The following ZNF213 variants were observed in gnomAD, a reference collection of about 807,000 sequenced individuals.
ZNF213 encodes putative transcription factor CR53.
Under a neutral mutation model 46.0 loss-of-function variants are expected in ZNF213, and 32 were observed. That is an observed-to-expected ratio of 0.70 (90% CI 0.52 to 0.93). The LOEUF is 0.93. Ranked by LOEUF, ZNF213 falls within the 40% of genes least tolerant of loss-of-function variation. The pLI, the probability that ZNF213 is intolerant of heterozygous loss-of-function variation, is 0.00. For synonymous variants in ZNF213, 297 were observed against 271.0 expected, an observed-to-expected ratio of 1.10 and a Z score of -0.94; for missense variants, 639 against 652.8, an observed-to-expected ratio of 0.98 and a Z score of 0.23.
Position 3,141,044 on chromosome 16 carries a change from C to A in ZNF213, c.1077C>A (p.Asp359Glu). 1 of 1,613,168 alleles carries A rather than the reference C, an allele frequency of 6.2e-7. No homozygotes were observed. The highest frequency in any genetic ancestry group is 8.5e-7 in the Non-Finnish European group (1 of 1,179,836). ...ACAAGAGCTTCCGCAGCTCCTCGGA[C>A]CTGGTGCGCCACCAAGGCGTGCACA... ...ECDKSFRSSS[D>E]LVRHQGVHTG... is the part of the protein sequence containing the mutation. The change falls in exon 6 of 6, where the codon GAC becomes GAA. Residue 359 changes from aspartate to glutamate, a missense_variant. Coordinates refer to ENST00000396878, the MANE Select transcript of ZNF213 (RefSeq NM_004220.3).
Position 3,142,634 on chromosome 16 carries a change from A to G in ZNF213, c.*1287A>G. The stretch of plus-strand genomic sequence containing the variant: ...TCCATTGGCACCAACGCCCAGCTCC[A>G]CCGGTACTGGCTCCCTGCTCCATCG... On this transcript the variant is annotated 3_prime_UTR_variant, in exon 6 of 6. Coordinates refer to ENST00000396878, the MANE Select transcript of ZNF213 (RefSeq NM_004220.3). 6.1e-6 allele frequency: 1 copy of G among 164,536 alleles called. No homozygotes were observed. The highest frequency in any genetic ancestry group is 1.2e-4 in the South Asian group (1 of 8,354). 10.2% of individuals were successfully genotyped at this position (164,536 alleles called of 1,614,324 possible). A position where few individuals can be genotyped will look rare whatever the true frequency, so the allele number is the denominator to read the frequency against.
At position 3,142,261 on chromosome 16, in the gene ZNF213, G is replaced by T. The variant is rs989333916; in HGVS notation, c.*914G>T. On this transcript the variant is annotated 3_prime_UTR_variant, in exon 6 of 6. Coordinates refer to ENST00000396878, the MANE Select transcript of ZNF213 (RefSeq NM_004220.3). Reference sequence around the variant, plus strand: ...CTCCACTCGGCGCCCCACTCCATCGGCCCCGCTCCATCGGCACTAATGCCC... The same window carrying T: ...CTCCACTCGGCGCCCCACTCCATCGTCCCCGCTCCATCGGCACTAATGCCC... The T allele has an allele frequency of 1.4e-4, 13 of 94,524 alleles. No individual in the cohort carries two copies. Among genetic ancestry groups the T allele is most frequent in the Non-Finnish European group, 2.9e-4 (11 of 37,720 alleles). 5.9% of individuals were successfully genotyped at this position (94,524 alleles called of 1,614,324 possible).
In ZNF213 at chr16:3,141,657, C is replaced by G; in HGVS notation, c.*310C>G. 1 of 426,748 alleles carries G rather than the reference C, an allele frequency of 2.3e-6. No individual in the cohort carries two copies. The highest frequency in any genetic ancestry group is 4.3e-5 in the South Asian group (1 of 23,016). The allele number at this position is 426,748 out of a possible 1,614,324, so 26.4% of individuals were successfully genotyped here. ...GGCAGGGACAGCAGGGTGGCAAGGA[C>G]TCAGGTCTAGGTCCCTTCCCAGAAG... On this transcript the variant is annotated 3_prime_UTR_variant, in exon 6 of 6. Transcript: ENST00000396878.
At position 3,141,158 on chromosome 16, in the gene ZNF213, C is replaced by T. The variant is rs1010995501; in HGVS notation, c.1191C>T (p.Gly397=). The T allele has an allele frequency of 5.6e-6, 9 of 1,612,414 alleles. No individual in the cohort carries two copies. Among genetic ancestry groups the T allele is most frequent in the Non-Finnish European group, 7.6e-6 (9 of 1,179,830 alleles). The part of the protein sequence containing the change: ...YLADHQRIHT[G]EKPFGCSDCG... The stretch of plus-strand genomic sequence containing the variant: ...CCGACCACCAGCGCATACACACGGG[C>T]GAGAAGCCTTTCGGCTGCAGCGACT... The change falls in exon 6 of 6, where the codon GGC becomes GGT. Residue 397 remains glycine (G), a synonymous_variant. Transcript: ENST00000396878.
Position 3,141,321 on chromosome 16 carries a change from G to A in ZNF213, c.1354G>A (p.Ala452Thr), listed in dbSNP as rs1162777457. Residue 452 changes from alanine (A) to threonine (T), a missense_variant, in exon 6 of 6, where the codon GCC (alanine) becomes ACC (threonine). Physicochemically the swap from Ala to Thr is moderately conservative, Grantham distance 58. Coordinates refer to ENST00000396878, the MANE Select transcript of ZNF213 (RefSeq NM_004220.3). ...CCTCATCGCGCATCAGAGCCTGCAC[G>A]CCAAGATGGCCCAGCCCGTGGGGTG... ...AHLIAHQSLHAKMAQPVG is the reference protein window; with the variant it reads ...AHLIAHQSLHTKMAQPVG 19 of 1,576,346 alleles carry A rather than the reference G, an allele frequency of 1.2e-5. No homozygotes were observed. Among genetic ancestry groups the A allele is most frequent in the South Asian group, 2.3e-5 (2 of 87,310 alleles).
intron 1 of ZNF213, among the ~76,000 whole-genome samples, chr16:3,135,856 T>TTTTTTTTTG (rs1957530228): frequency 6.6e-6 from 1 of 150,594 alleles, no homozygotes; most frequent in Non-Finnish European, 1.5e-5. Context: ...TTTTTTTTTT[T>TTTTTTTTTG]TTGAGATGGT....
intron 4 of ZNF213, 42 bp downstream of exon 4, chr16:3,138,860 C>G (rs947339244): frequency 1.2e-6 from 2 of 1,613,784 alleles, no homozygotes; most frequent in African/African-American, 2.7e-5. Context: ...GCACTTGGCC[C>G]TGTTGAGTTT....
chr16:3,138,222 A>G, intron 2 of ZNF213, 196 bp from the exon 3 acceptor site: 3 of 1,091,030 alleles, frequency 2.7e-6, no homozygotes, highest in South Asian at 3.2e-5. Flanking sequence ...CTCGTGAATG[A>G]TCGGGGAGCA....
chr16:3,136,827 A>T (rs913772295), intron 1 of ZNF213, among the ~76,000 whole-genome samples: 1 of 152,236 alleles, frequency 6.6e-6, no homozygotes, highest in Non-Finnish European at 1.5e-5. Context: ...ATATGTTATT[A>T]ATATTTCCAC....
rs1957600122 is a variant in ZNF213, at chr16:3,141,213, C to A, written c.1246C>A (p.Leu416Met). Residue 416 changes from leucine to methionine, a missense_variant, in exon 6 of 6, where the codon CTG (leucine) becomes ATG (methionine). Leu to Met is a conservative substitution (Grantham distance 15, BLOSUM62 2). Transcript: ENST00000396878. The part of the protein sequence containing the change: ...CGKSFSLRSY[L>M]LDHRRVHTGE... ...CAAGAGCTTCTCGCTGCGCTCCTAC[C>A]TGCTGGACCATCGGCGTGTGCACAC... 6.2e-7 allele frequency: 1 copy of A among 1,612,694 alleles called. No individual in the cohort carries two copies. The highest frequency in any genetic ancestry group is 8.5e-7 in the Non-Finnish European group (1 of 1,179,926).
intron 5 of ZNF213, chr16:3,139,361 T>C (rs902926991): frequency 4.3e-6 from 2 of 470,376 alleles, no homozygotes; most frequent in Non-Finnish European, 7.6e-6. Context: ...TGCATGGAAG[T>C]ATTGTCCCCA....
intron 2 of ZNF213, chr16:3,138,007 A>G (rs1017990130): frequency 4.2e-6 from 2 of 471,382 alleles, no homozygotes; most frequent in Non-Finnish European, 7.6e-6. Flanking sequence ...AAGGGTGTGC[A>G]TAGAGCCAGC....
intron 1 of ZNF213, among the ~76,000 whole-genome samples, chr16:3,136,870 A>C (rs1957543983): frequency 6.6e-6 from 1 of 152,328 alleles, no homozygotes; most frequent in African/African-American, 2.4e-5. Context: ...TAGTGGAATA[A>C]ATTGAGATTA....
Position 3,138,797 on chromosome 16 carries a change from C to G in ZNF213, c.576C>G (p.Thr192=), listed in dbSNP as rs369339417. 1 of 1,613,938 alleles carries G rather than the reference C, an allele frequency of 6.2e-7. No homozygotes were observed. Among genetic ancestry groups the G allele is most frequent in the Non-Finnish European group, 8.5e-7 (1 of 1,179,996 alleles). Residue 192 remains threonine (T), a synonymous_variant, in exon 4 of 6, where the codon ACC becomes ACG. Transcript: ENST00000396878. ...KEGRPGETTD[T]CFVSGVHGPV... is the part of the protein sequence containing the mutation. ...GTCGTCCCGGAGAGACGACGGACAC[C>G]TGCTTTGTCTCTGGGGTCCATGTGA...
At position 3,137,337 on chromosome 16, in the gene ZNF213, G is replaced by C. The variant is rs1212238495; in HGVS notation, c.57G>C (p.Leu19=). The change falls in exon 2 of 6, where the codon CTG becomes CTC. Residue 19 remains leucine, a synonymous_variant. Coordinates refer to ENST00000396878, the MANE Select transcript of ZNF213 (RefSeq NM_004220.3). ...CCCCTGGGGAGGGAGAAGGGCTTCTGATTGTGAAAGTGGAAGATTCCTCCT... is the reference window on the plus strand; with the variant it reads ...CCCCTGGGGAGGGAGAAGGGCTTCTCATTGTGAAAGTGGAAGATTCCTCCT... ...DQAPGEGEGL[L]IVKVEDSSWE... The C allele has an allele frequency of 2.5e-6, 4 of 1,613,026 alleles. No homozygotes were observed. The highest frequency in any genetic ancestry group is 1.7e-5 in the Admixed American group (1 of 59,992).
At position 3,141,469 on chromosome 16, in the gene ZNF213, C is replaced by T; in HGVS notation, c.*122C>T. 1.7e-6 allele frequency: 2 copies of T among 1,196,802 alleles called. No individual in the cohort carries two copies. The highest frequency in any genetic ancestry group is 2.3e-6 in the Non-Finnish European group (2 of 884,108). 74.1% of individuals were successfully genotyped at this position (1,196,802 alleles called of 1,614,324 possible). ...GGGCTGTCCGAGGGACCCCAGGGTA[C>T]CTCACACTCGGAGCTCGCCTGCCCT... On this transcript the variant is annotated 3_prime_UTR_variant, in exon 6 of 6. Coordinates refer to ENST00000396878, the MANE Select transcript of ZNF213 (RefSeq NM_004220.3).
At chr16:3,137,801 A>G in intron 2 of ZNF213, 122 bp downstream of exon 2, 1 of 1,249,490 alleles carries the variant, frequency 8.0e-7, no homozygotes, top group Non-Finnish European at 1.1e-6. Flanking sequence ...AGCCCCCAGG[A>G]GCAGGCACAC....
chr16:3,139,298 C>T (rs916983789), intron 5 of ZNF213, 200 bp downstream of exon 5: 2 of 714,614 alleles, frequency 2.8e-6, no homozygotes, highest in Admixed American at 6.4e-5. Flanking sequence ...CCGGCGCTGC[C>T]CAGCCCTGCA....
rs747276157 is a variant in ZNF213, at chr16:3,141,116, C to A, written c.1149C>A (p.Ser383Arg). Residue 383 changes from serine to arginine, a missense_variant, in exon 6 of 6, where the codon AGC becomes AGA. Coordinates refer to ENST00000396878, the MANE Select transcript of ZNF213 (RefSeq NM_004220.3). ...GTTCCGAGTGCGGCAAGAGCTTCAG[C>A]CGCAGCGCCTACCTGGCCGACCACC... ...FSCSECGKSF[S>R]RSAYLADHQR... The A allele has an allele frequency of 5.0e-6, 8 of 1,612,746 alleles. No individual in the cohort carries two copies. Among genetic ancestry groups the A allele is most frequent in the African/African-American group, 1.3e-5 (1 of 75,046 alleles).
Sources: allele counts gnomAD v4.1 joint callset (sites outside exome capture counted in the v4.1 genomes callset), GRCh38; gene constraint gnomAD v4.1.1; transcripts MANE v1.5; gene names NCBI Gene and HGNC (gene_info 2026-07-23, HGNC 2026-07-21).